Variants in LAMA5 observed in about 807,000 individuals in gnomAD.
LAMA5 encodes the protein laminin subunit alpha-5.
A neutral mutation model predicts 433.4 loss-of-function variants in LAMA5; 260 were observed. That is an observed-to-expected ratio of 0.60 (90% CI 0.54 to 0.66). LAMA5 has a LOEUF of 0.66. Among genes scored for constraint, LAMA5 ranks in the 30% least tolerant of loss-of-function variants. The probability of loss-of-function intolerance (pLI) is 0.00; values close to 1 mark genes in which losing one functional copy is unlikely to be tolerated. For synonymous variants in LAMA5, 2,620 were observed against 2,226.6 expected (o/e 1.18, Z -4.97); for missense variants, 5,378 against 5,258.5 (o/e 1.02, Z -0.70).
At chr20:62,347,456 G>A (rs4925389) in intron 6 of LAMA5, among the ~76,000 whole-genome samples, 87,841 of 151,936 alleles carry the variant, frequency 0.58, 27,729 homozygotes, top group East Asian at 0.75. Context: ...GGACTCGAGC[G>A]TAAGCCCAAA....
intron 57 of LAMA5, 170 bp from the exon 58 acceptor site, chr20:62,316,228 G>C: frequency 1.6e-6 from 1 of 613,578 alleles, no homozygotes; most frequent in Non-Finnish European, 2.9e-6. Flanking sequence ...TTGAGTCTCA[G>C]CGTAGCCTCT....
chr20:62,332,559 G>A lies in LAMA5; in HGVS notation c.3441C>T (p.Tyr1147=), dbSNP rs1450997957. 3.1e-6 allele frequency: 5 copies of A among 1,597,986 alleles called. No individual in the cohort carries two copies. The highest frequency in any genetic ancestry group is 2.7e-5 in the African/African-American group (2 of 74,580). Residue 1147 remains tyrosine, a splice_region_variant and synonymous_variant, in exon 27 of 80, where the codon TAC becomes TAT. Transcript: ENST00000252999. Reference sequence around the variant, plus strand: ...CAGCCCCACCGGCTCCCACTCACCTGTACAGGCAGGGGTGCAGGGAGAGCA... The same window carrying A: ...CAGCCCCACCGGCTCCCACTCACCTATACAGGCAGGGGTGCAGGGAGAGCA... ...QGLLSLHPCL[Y]STLCRGTARD...
In LAMA5 at chr20:62,326,047, C is replaced by A. The variant is rs966504529; in HGVS notation, c.5299-501G>T. 3.9e-5 allele frequency among the ~76,000 whole-genome samples: 6 copies of A among 151,966 alleles called. No homozygotes were observed. In the East Asian group the frequency reaches 9.7e-4, roughly 24 times the overall value. On this transcript the variant is annotated intron_variant, in intron 40 of 79. Transcript: ENST00000252999. The stretch of plus-strand genomic sequence containing the variant: ...ACCAGCCTGGCCAACACGGCGAAAC[C>A]CCATCTCTACTGAAAATACACAATT...
chr20:62,317,316 C>G, intron 55 of LAMA5, 29 bp downstream of exon 55: 2 of 1,581,388 alleles, frequency 1.3e-6, no homozygotes, highest in Non-Finnish European at 1.7e-6. Flanking sequence ...CAGGGTGGGC[C>G]CAGGGCCCCT....
intron 11 of LAMA5, among the ~76,000 whole-genome samples, chr20:62,344,242 A>C (rs1367558142): frequency 2.0e-5 from 3 of 151,490 alleles, no homozygotes; most frequent in Non-Finnish European, 2.9e-5. Flanking sequence ...CCGTCATGAA[A>C]GGGAAAAACC....
chr20:62,321,968 C>G (rs1208459924), intron 48 of LAMA5, 51 bp downstream of exon 48: 2 of 1,559,942 alleles, frequency 1.3e-6, no homozygotes, highest in African/African-American at 2.7e-5. Context: ...CTGTGTGGGA[C>G]TTGGATTCCT....
Position 62,367,042 on chromosome 20 carries a change from G to A in LAMA5, c.204C>T (p.Ala68=), listed in dbSNP as rs776491391. 3.9e-6 allele frequency: 5 copies of A among 1,266,524 alleles called. No homozygotes were observed. The South Asian group carries it at 9.5e-5, about 24-fold the overall frequency. The allele number at this position is 1,266,524 out of a possible 1,614,324, so 78.5% of individuals were successfully genotyped here. The change falls in exon 1 of 80, where the codon GCC becomes GCT. Residue 68 remains alanine (A), a synonymous_variant. Transcript: ENST00000252999. The part of the protein sequence containing the change: ...IAASATCGEE[A]PARGSPRPTE... Reference sequence around the variant, plus strand: ...TGGGGCGCGGGGAGCCGCGCGCCGGGGCCTCCTCTCCGCAGGTCGCGGAGG... The same window carrying A: ...TGGGGCGCGGGGAGCCGCGCGCCGGAGCCTCCTCTCCGCAGGTCGCGGAGG...
intron 11 of LAMA5, 39 bp from the exon 12 acceptor site, chr20:62,338,647 T>C (rs529376679): frequency 1.3e-6 from 2 of 1,583,288 alleles, no homozygotes; most frequent in East Asian, 2.3e-5. Flanking sequence ...TCAGATGCCC[T>C]GCAGACCCCA....
intron 48 of LAMA5, 54 bp downstream of exon 48, chr20:62,321,965 G>A (rs539546708): frequency 1.3e-6 from 2 of 1,544,344 alleles, no homozygotes; most frequent in African/African-American, 1.4e-5. Flanking sequence ...AGGCTGTGTG[G>A]GACTTGGATT....
Position 62,322,746 on chromosome 20 carries a change from G to T in LAMA5, c.6077C>A (p.Thr2026Asn), listed in dbSNP as rs1393913362. The T allele has an allele frequency of 5.3e-6, 8 of 1,512,946 alleles. No individual in the cohort carries two copies. The highest frequency in any genetic ancestry group is 7.1e-6 in the Non-Finnish European group (8 of 1,131,688). 93.7% of individuals were successfully genotyped at this position (1,512,946 alleles called of 1,614,324 possible). The change falls in exon 46 of 80, where the codon ACC (threonine) becomes AAC (asparagine). Residue 2026 changes from threonine to asparagine, a missense_variant. Thr to Asn is a moderately conservative substitution (Grantham distance 65, BLOSUM62 0). Coordinates refer to ENST00000252999, the MANE Select transcript of LAMA5 (RefSeq NM_005560.6). ...LPGNCTRCDC[T>N]PCGTEACDPH... is the part of the protein sequence containing the mutation. ...GTCGCAGGCCTCTGTCCCACATGGG[G>T]TACAGTCGCACCCTGCAGAAGGGGT...
At chr20:62,352,480 C>G in intron 3 of LAMA5, 120 bp from the exon 4 acceptor site, 1 of 734,118 alleles carries the variant, frequency 1.4e-6, no homozygotes, top group Non-Finnish European at 2.3e-6. Context: ...GCCAAGAGGC[C>G]GCGTGACAGA....
chr20:62,358,386 C>T (rs1025343235), intron 2 of LAMA5, among the ~76,000 whole-genome samples: 2 of 152,190 alleles, frequency 1.3e-5, no homozygotes, highest in South Asian at 2.1e-4. Flanking sequence ...GCACCTGTCC[C>T]GGCCGCCGAG....
chr20:62,320,872 A>G lies in LAMA5; in HGVS notation c.6515T>C (p.Val2172Ala). The G allele has an allele frequency of 6.2e-7, 1 of 1,610,984 alleles. No individual in the cohort carries two copies. Among genetic ancestry groups the G allele is most frequent in the Non-Finnish European group, 8.5e-7 (1 of 1,179,058 alleles). ...IHCEVCDHCV[V>A]LLLDDLERAG... ...CCGTTCCAGGTCATCCAGGAGCAGGACCACACAGTGGTCACACACTGCAGG... is the reference window on the plus strand; with the variant it reads ...CCGTTCCAGGTCATCCAGGAGCAGGGCCACACAGTGGTCACACACTGCAGG... Residue 2172 changes from valine to alanine, a missense_variant, in exon 49 of 80, where the codon GTC (valine) becomes GCC (alanine). Coordinates refer to ENST00000252999, the MANE Select transcript of LAMA5 (RefSeq NM_005560.6).
intron 25 of LAMA5, 45 bp downstream of exon 25, chr20:62,333,330 T>G (rs1980857526): frequency 1.3e-6 from 2 of 1,596,082 alleles, no homozygotes; most frequent in African/African-American, 1.3e-5. Context: ...ACAGTGGGGG[T>G]CCAGGAAGCC....
At position 62,367,043 on chromosome 20, in the gene LAMA5, G is replaced by A. The variant is rs946644733; in HGVS notation, c.203C>T (p.Ala68Val). The change falls in exon 1 of 80, where the codon GCC becomes GTC. Residue 68 changes from alanine (A) to valine (V), a missense_variant. Physicochemically the swap from Ala to Val is moderately conservative, Grantham distance 64. Transcript: ENST00000252999. Reference sequence around the variant, plus strand: ...GGGGCGCGGGGAGCCGCGCGCCGGGGCCTCCTCTCCGCAGGTCGCGGAGGC... The same window carrying A: ...GGGGCGCGGGGAGCCGCGCGCCGGGACCTCCTCTCCGCAGGTCGCGGAGGC... ...IAASATCGEE[A>V]PARGSPRPTE... 6.3e-6 allele frequency: 8 copies of A among 1,266,312 alleles called. No homozygotes were observed. The highest frequency in any genetic ancestry group is 6.9e-6 in the Non-Finnish European group (7 of 1,008,884). The allele number at this position is 1,266,312 out of a possible 1,614,324, so 78.4% of individuals were successfully genotyped here.
chr20:62,325,425 A>C lies in LAMA5; in HGVS notation c.5420T>G (p.Phe1807Cys), dbSNP rs2427284. 1.2e-6 allele frequency: 2 copies of C among 1,612,524 alleles called. No individual in the cohort carries two copies. The highest frequency in any genetic ancestry group is 1.1e-5 in the South Asian group (1 of 91,056). Residue 1807 changes from phenylalanine to cysteine, a missense_variant, in exon 41 of 80, where the codon TTC (phenylalanine) becomes TGC (cysteine). Coordinates refer to ENST00000252999, the MANE Select transcript of LAMA5 (RefSeq NM_005560.6). ...ALFSQISSAV[F>C]LRRVALEVAS... Reference sequence around the variant, plus strand: ...CACCTCCAGTGCCACCCTGCGCAGGAAGACAGCCGAGGAGATCTGTGAGAA... The same window carrying C: ...CACCTCCAGTGCCACCCTGCGCAGGCAGACAGCCGAGGAGATCTGTGAGAA...
intron 45 of LAMA5, 109 bp from the exon 46 acceptor site, chr20:62,322,867 G>A: frequency 2.8e-6 from 2 of 707,598 alleles, no homozygotes; most frequent in Non-Finnish European, 4.4e-6. Flanking sequence ...GTCTCCTCCA[G>A]GCCGCCCGGA....
At chr20:62,322,949 G>T (rs1237299821) in intron 45 of LAMA5, among the ~76,000 whole-genome samples, 191 bp from the exon 46 acceptor site, 1 of 151,794 alleles carries the variant, frequency 6.6e-6, no homozygotes, top group Non-Finnish European at 1.5e-5. Flanking sequence ...CGAGGGACCT[G>T]CAGACTCCCT....
chr20:62,364,005 G>C lies in LAMA5; in HGVS notation c.298-1453C>G, dbSNP rs551470147. Among the ~76,000 whole-genome samples the C allele has an allele frequency of 4.6e-5, 7 of 152,326 alleles. No individual in the cohort carries two copies. The South Asian group carries it at 1.2e-3, about 27-fold the overall frequency. On this transcript the variant is annotated intron_variant, in intron 1 of 79. Transcript: ENST00000252999. ...TGTATTTCCTTTACTGCATGTATGA[G>C]ACCTGGAATTATCTGGGGGCCTCCC...
Sources: allele counts gnomAD v4.1 joint callset (sites outside exome capture counted in the v4.1 genomes callset), GRCh38; gene constraint gnomAD v4.1.1; transcripts MANE v1.5; gene names NCBI Gene and HGNC (gene_info 2026-07-23, HGNC 2026-07-21).